The following CLVS2 variants were observed in gnomAD, a reference collection of about 807,000 sequenced individuals.
CLVS2 encodes clavesin 2, also known as clavesin-2.
In CLVS2, 19 loss-of-function variants were observed where a neutral mutation model predicts 29.0. The observed-to-expected ratio is 0.66, with a 90% CI of 0.46 to 0.96. CLVS2 has a LOEUF of 0.96. Ranked by LOEUF, CLVS2 falls within the 40% of genes least tolerant of loss-of-function variation. The pLI is 0.00. For missense variants in CLVS2, 294 were observed against 404.1 expected, an observed-to-expected ratio of 0.73 and a Z score of 2.34; for synonymous variants, 161 against 151.3, an observed-to-expected ratio of 1.06 and a Z score of -0.47.
chr6:123,018,776 G>T (rs1038762605), intron 3 of CLVS2, among the ~76,000 whole-genome samples: 4 of 151,328 alleles, frequency 2.6e-5, no homozygotes, highest in Non-Finnish European at 4.4e-5. Context: ...TTCATCCTGG[G>T]ATACCATTTG....
chr6:123,055,041 T>C (rs1167712741), intron 4 of CLVS2, among the ~76,000 whole-genome samples: 1 of 152,086 alleles, frequency 6.6e-6, no homozygotes, highest in African/African-American at 2.4e-5. Flanking sequence ...CTGGATTCCA[T>C]TTAGGAAAAA....
chr6:123,025,491 G>A (rs1295243888), intron 3 of CLVS2, among the ~76,000 whole-genome samples: 11 of 152,124 alleles, frequency 7.2e-5, no homozygotes. Context: ...CATATATGAA[G>A]CAAGTGAATC....
rs74534737 is a variant in CLVS2, at chr6:122,997,822, A to G, written c.45A>G (p.Lys15=). The change falls in exon 2 of 6, where the codon AAA becomes AAG. Residue 15 remains lysine (K), a synonymous_variant. Transcript: ENST00000275162. ...GTCTCTCCCCTGAGACCCTGGAGAA[A>G]GCTCGCCTGGAGCTCAATGAAAACC... The part of the protein sequence containing the change: ...QAGLSPETLE[K]ARLELNENPD... The G allele has an allele frequency of 1.4e-5, 22 of 1,614,102 alleles. No homozygotes were observed. The highest frequency in any genetic ancestry group is 1.7e-5 in the Non-Finnish European group (20 of 1,180,008).
At chr6:123,058,607 T>A (rs1039482213) in intron 5 of CLVS2, among the ~76,000 whole-genome samples, 30 of 152,200 alleles carry the variant, frequency 2.0e-4, no homozygotes, top group Admixed American at 1.9e-3. Context: ...AAAATCTTTT[T>A]AAAATATGAA....
At position 123,063,899 on chromosome 6, in the gene CLVS2, G is replaced by A; in HGVS notation, c.*138G>A. The A allele has an allele frequency of 1.9e-6, 1 of 522,982 alleles. No homozygotes were observed. The highest frequency in any genetic ancestry group is 3.3e-6 in the Non-Finnish European group (1 of 298,790). The allele number at this position is 522,982 out of a possible 1,614,324, so 32.4% of individuals were successfully genotyped here. A position where few individuals can be genotyped will look rare whatever the true frequency, so the allele number is the denominator to read the frequency against. On this transcript the variant is annotated 3_prime_UTR_variant, in exon 6 of 6. Coordinates refer to ENST00000275162, the MANE Select transcript of CLVS2 (RefSeq NM_001010852.4). ...TAGCATAATATATAACAAGGCATCA[G>A]GCTTTCCTTGGCCTGAACCATGGGG... is the stretch of plus-strand genomic sequence containing the variant.
intron 3 of CLVS2, among the ~76,000 whole-genome samples, chr6:123,016,252 C>T (rs1285938199): frequency 2.1e-5 from 3 of 142,730 alleles, no homozygotes; most frequent in African/African-American, 7.9e-5. Flanking sequence ...AAGATATCTG[C>T]CTGGAAAGCC....
At chr6:123,045,661 T>C (rs1383099507) in intron 3 of CLVS2, among the ~76,000 whole-genome samples, 2 of 152,066 alleles carry the variant, frequency 1.3e-5, no homozygotes, top group Admixed American at 6.6e-5. Flanking sequence ...GGGTAGGGGA[T>C]GATGTGAGTG....
In CLVS2 at chr6:123,070,582, G is replaced by C. The variant is rs1443220757; in HGVS notation, c.*6821G>C. ...TTTGTTCTCCAAACCCTCTGAAAGA[G>C]TAAAAGCCGATGTCTTTATATCAGT... On this transcript the variant is annotated 3_prime_UTR_variant, in exon 6 of 6. Transcript: ENST00000275162. The C allele has an allele frequency of 6.6e-6, 1 of 151,936 alleles. No individual in the cohort carries two copies. The highest frequency in any genetic ancestry group is 1.5e-5 in the Non-Finnish European group (1 of 67,934). 9.4% of individuals were successfully genotyped at this position (151,936 alleles called of 1,614,324 possible). A position where few individuals can be genotyped will look rare whatever the true frequency, so the allele number is the denominator to read the frequency against.
chr6:123,025,746 T>A (rs1289335157), intron 3 of CLVS2, among the ~76,000 whole-genome samples: 1 of 152,122 alleles, frequency 6.6e-6, no homozygotes, highest in Non-Finnish European at 1.5e-5. Flanking sequence ...CTTTACCCAT[T>A]TCCTCCATCA....
rs1027710362 is a variant in CLVS2, at chr6:123,067,922, T to G, written c.*4161T>G. On this transcript the variant is annotated 3_prime_UTR_variant, in exon 6 of 6. Coordinates refer to ENST00000275162, the MANE Select transcript of CLVS2 (RefSeq NM_001010852.4). ...GCTACTGGAACTATTTGACATTATT[T>G]GCTACATGAAAAAAGGCAAATAAGT... 8.6e-5 allele frequency: 13 copies of G among 151,722 alleles called. No homozygotes were observed. The highest frequency in any genetic ancestry group is 3.1e-4 in the African/African-American group (13 of 41,392). The allele number at this position is 151,722 out of a possible 1,614,324, so 9.4% of individuals were successfully genotyped here.
At position 122,998,185 on chromosome 6, in the gene CLVS2, CTT is replaced by C. The variant is rs1400668275; in HGVS notation, c.389+20_389+21del. 3.1e-6 allele frequency: 5 copies of C among 1,600,186 alleles called. No individual in the cohort carries two copies. Among genetic ancestry groups the C allele is most frequent in the Admixed American group, 1.7e-5 (1 of 59,410 alleles). On this transcript the variant is annotated intron_variant, in intron 2 of 5. Coordinates refer to ENST00000275162, the MANE Select transcript of CLVS2 (RefSeq NM_001010852.4). ...AGAGCAGGTAAATCCTAAATCCAAA[CTT>C]GTATTCTCCTTTTACTCTCCCATTT... is the stretch of plus-strand genomic sequence containing the variant.
chr6:123,041,173 G>A (rs1775227146), intron 3 of CLVS2, among the ~76,000 whole-genome samples: 1 of 151,968 alleles, frequency 6.6e-6, no homozygotes, highest in South Asian at 2.1e-4. Flanking sequence ...AAACTTGAAG[G>A]ACTTAATAAA....
rs544943986 is a variant in CLVS2 at position 123,070,279 on chromosome 6, A to G, written c.*6518A>G. The G allele has an allele frequency of 2.0e-5, 3 of 151,914 alleles. No homozygotes were observed. The highest frequency in any genetic ancestry group is 1.9e-4 in the East Asian group (1 of 5,176). 9.4% of individuals were successfully genotyped at this position (151,914 alleles called of 1,614,324 possible). On this transcript the variant is annotated 3_prime_UTR_variant, in exon 6 of 6. Transcript: ENST00000275162. ...CTCATCTCACTATGTGTCGACCCCA[A>G]TCTTCCAGTTTCTAGGAATAAAAAT... is the stretch of plus-strand genomic sequence containing the variant.
intron 2 of CLVS2, among the ~76,000 whole-genome samples, chr6:123,004,650 C>T (rs368484726): frequency 4.5e-4 from 69 of 152,290 alleles, no homozygotes; most frequent in African/African-American, 1.4e-3. Context: ...CGGTGGCTCA[C>T]GCCTGTAATG....
Position 123,048,561 on chromosome 6 carries a change from CCTAAA to C in CLVS2, c.565-59_565-55del, listed in dbSNP as rs71752673. 0.023 allele frequency: 25,753 copies of C among 1,127,150 alleles called. 4,067 individuals carry two copies. The African/African-American group carries it at 0.34, about 15-fold the overall frequency. The allele number at this position is 1,127,150 out of a possible 1,614,324, so 69.8% of individuals were successfully genotyped here. ...TAAATTTGTATACCATATAACCTTT[CCTAAA>C]CCTTCTCAGTCTATTAAAGCATATT... On this transcript the variant is annotated intron_variant, in intron 3 of 5. Transcript: ENST00000275162.
chr6:123,029,779 A>G (rs1171419128), intron 3 of CLVS2, among the ~76,000 whole-genome samples: 1 of 152,198 alleles, frequency 6.6e-6, no homozygotes, highest in Non-Finnish European at 1.5e-5. Flanking sequence ...AAGATATTAT[A>G]ACAGTAGCAA....
At position 123,011,161 on chromosome 6, in the gene CLVS2, T is replaced by A. The variant is rs1460689738; in HGVS notation, c.564+2T>A. On this transcript the variant is annotated splice_donor_variant, in intron 3 of 5. Coordinates refer to ENST00000275162, the MANE Select transcript of CLVS2 (RefSeq NM_001010852.4). LOFTEE classifies it high-confidence loss of function. ...CGATTAGCTATTGAAGGCCTGCAGGTAGGATATGGAAATTACCTACTTCCT... is the reference window on the plus strand; with the variant it reads ...CGATTAGCTATTGAAGGCCTGCAGGAAGGATATGGAAATTACCTACTTCCT... 6.4e-7 allele frequency: 1 copy of A among 1,556,642 alleles called. No individual in the cohort carries two copies.
At chr6:123,006,191 T>G (rs1044964313) in intron 2 of CLVS2, among the ~76,000 whole-genome samples, 5 of 151,794 alleles carry the variant, frequency 3.3e-5, no homozygotes, top group East Asian at 1.9e-4. Flanking sequence ...AGAACTTAGG[T>G]GAGGTGAAAA....
chr6:123,015,234 A>G (rs1774810105), intron 3 of CLVS2, among the ~76,000 whole-genome samples: 1 of 151,996 alleles, frequency 6.6e-6, no homozygotes, highest in Non-Finnish European at 1.5e-5. Flanking sequence ...CTATGGCATA[A>G]AAGACTGCAT....
Sources: gnomAD v4.1 joint callset for allele counts (sites outside exome capture counted in the v4.1 genomes callset) on GRCh38, gnomAD v4.1.1 for gene constraint, MANE v1.5 for transcripts, NCBI Gene and HGNC (gene_info 2026-07-23, HGNC 2026-07-21) for gene names.